The following IPO8 variants were observed in gnomAD, a reference collection of about 807,000 sequenced individuals.
The protein encoded by IPO8 is importin 8, also known as importin-8.
A neutral mutation model predicts 141.2 loss-of-function variants in IPO8; 65 were observed. That is an observed-to-expected ratio of 0.46 (90% CI 0.38 to 0.57). The LOEUF (loss-of-function observed/expected upper bound fraction) is 0.57. Among genes scored for constraint, IPO8 ranks in the 20% least tolerant of loss-of-function variants. The pLI is 0.00. For missense variants in IPO8, 980 were observed against 1,246.8 expected, an observed-to-expected ratio of 0.79 and a Z score of 3.22; for synonymous variants, 411 against 420.3, an observed-to-expected ratio of 0.98 and a Z score of 0.27.
Position 30,695,658 on chromosome 12 carries a change from G to T in IPO8, c.-11C>A, listed in dbSNP as rs1042821262. ...CCGGTTGAGGTCCATCTCCCCGGGT[G>T]GGGGCTCCGCGGCCCCCGGAACAGT... On this transcript the variant is annotated 5_prime_UTR_variant, in exon 1 of 25. Transcript: ENST00000256079. The surrounding 1 kb of genome is among the most constrained non-coding windows in gnomAD (Gnocchi z 4.2). 3 of 1,612,300 alleles carry T rather than the reference G, an allele frequency of 1.9e-6. No individual in the cohort carries two copies. The highest frequency in any genetic ancestry group is 1.3e-5 in the African/African-American group (1 of 74,884).
chr12:30,633,944 G>A, intron 23 of IPO8, 139 bp downstream of exon 23: 1 of 636,454 alleles, frequency 1.6e-6, no homozygotes. Context: ...TGTATGTTTG[G>A]GGATTTCTAT....
intron 16 of IPO8, among the ~76,000 whole-genome samples, chr12:30,659,953 C>T (rs1427762617): frequency 1.3e-5 from 2 of 151,236 alleles, no homozygotes; most frequent in African/African-American, 2.4e-5. Flanking sequence ...CCAGGCATGG[C>T]GGCTCATGCC....
At chr12:30,679,359 G>A (rs971898652) in intron 5 of IPO8, among the ~76,000 whole-genome samples, 9 of 152,090 alleles carry the variant, frequency 5.9e-5, no homozygotes, top group African/African-American at 1.4e-4. Flanking sequence ...AGATTCTGTC[G>A]TCTTAGCAAA....
At chr12:30,673,582 T>C (rs1400674149) in intron 8 of IPO8, among the ~76,000 whole-genome samples, 1 of 152,226 alleles carries the variant, frequency 6.6e-6, no homozygotes. Flanking sequence ...TAAGCTCAAC[T>C]ACTCTTCATA....
intron 4 of IPO8, 74 bp from the exon 5 acceptor site, chr12:30,680,712 ATT>A: frequency 8.4e-7 from 1 of 1,195,796 alleles, no homozygotes; most frequent in Non-Finnish European, 1.2e-6. Flanking sequence ...ATTATAAAAT[ATT>A]TTTTAAATAC....
chr12:30,649,895 ATTGT>A (rs1290919317), intron 19 of IPO8, among the ~76,000 whole-genome samples: 2 of 152,118 alleles, frequency 1.3e-5, no homozygotes, highest in Non-Finnish European at 2.9e-5. Flanking sequence ...TATATTAAAA[ATTGT>A]TTAAGGTAAA....
At chr12:30,694,925 A>G (rs2053322839) in intron 1 of IPO8, 2 of 452,690 alleles carry the variant, frequency 4.4e-6, no homozygotes, top group Non-Finnish European at 8.9e-6. Flanking sequence ...GGAGAAAAGA[A>G]AGAAGTCTTA....
chr12:30,659,798 T>C (rs953019266), intron 16 of IPO8, among the ~76,000 whole-genome samples: 1 of 144,304 alleles, frequency 6.9e-6, no homozygotes, highest in Non-Finnish European at 1.5e-5. Context: ...GAGCTTGCAG[T>C]GAGCAGAAAC....
intron 2 of IPO8, chr12:30,688,504 C>G (rs1187660936): frequency 2.8e-6 from 1 of 362,946 alleles, no homozygotes; most frequent in Non-Finnish European, 5.3e-6. Flanking sequence ...AAGCAAAAAT[C>G]ACAACATTCT....
chr12:30,668,238 T>C (rs1254996909), intron 10 of IPO8, among the ~76,000 whole-genome samples: 1 of 152,202 alleles, frequency 6.6e-6, no homozygotes, highest in Non-Finnish European at 1.5e-5. Context: ...TGATACTTTG[T>C]CTCCAAGAGA....
chr12:30,669,970 T>C (rs2053026166), intron 9 of IPO8, among the ~76,000 whole-genome samples: 1 of 152,186 alleles, frequency 6.6e-6, no homozygotes, highest in Non-Finnish European at 1.5e-5. Context: ...AATTAAATAA[T>C]TCTAAGTGAA....
chr12:30,659,259 G>A (rs1360089940), intron 16 of IPO8, among the ~76,000 whole-genome samples: 1 of 152,088 alleles, frequency 6.6e-6, no homozygotes, highest in African/African-American at 2.4e-5. Context: ...AGAAGCCAAG[G>A]CGGGCATATC....
intron 15 of IPO8, 50 bp downstream of exon 15, chr12:30,662,277 G>C: frequency 1.4e-6 from 2 of 1,471,324 alleles, no homozygotes; most frequent in Non-Finnish European, 1.9e-6. Flanking sequence ...AGTTTATTTA[G>C]ATTACTCAAG....
In IPO8 at chr12:30,695,114, G is replaced by A; in HGVS notation, c.84+450C>T. 2.3e-6 allele frequency: 1 copy of A among 436,206 alleles called. No individual in the cohort carries two copies. The highest frequency in any genetic ancestry group is 3.4e-4 in the Middle Eastern group (1 of 2,944). The allele number at this position is 436,206 out of a possible 1,614,324, so 27.0% of individuals were successfully genotyped here. A position where few individuals can be genotyped will look rare whatever the true frequency, so the allele number is the denominator to read the frequency against. ...AAACAGTCCTGCCAACCCGACAGGA[G>A]GAGGCGGTGGGCAGCGTGCTCCACA... On this transcript the variant is annotated intron_variant, in intron 1 of 24. Transcript: ENST00000256079. The surrounding 1 kb of genome is among the most constrained non-coding windows in gnomAD (Gnocchi z 4.2).
chr12:30,633,939 G>A (rs2052467097), intron 23 of IPO8, 144 bp downstream of exon 23: 1 of 631,124 alleles, frequency 1.6e-6, no homozygotes, highest in East Asian at 2.7e-5. Flanking sequence ...ATGTATGTAT[G>A]TTTGGGGATT....
chr12:30,676,916 C>A (rs2053128306), intron 5 of IPO8: 3 of 1,530,258 alleles, frequency 2.0e-6, no homozygotes, highest in Non-Finnish European at 1.8e-6. Context: ...GTCAAACTTT[C>A]CATTTTAACC....
At chr12:30,684,595 A>G in intron 2 of IPO8, 138 bp from the exon 3 acceptor site, 2 of 693,174 alleles carry the variant, frequency 2.9e-6, no homozygotes, top group Middle Eastern at 2.6e-4. Context: ...AGGTATAAAC[A>G]GCCAAATCAG....
chr12:30,671,092 A>G lies in IPO8; in HGVS notation c.914T>C (p.Leu305Pro). 6.3e-7 allele frequency: 1 copy of G among 1,582,578 alleles called. No individual in the cohort carries two copies. Among genetic ancestry groups the G allele is most frequent in the East Asian group, 2.2e-5 (1 of 44,674 alleles). ...TCTATATTGATCTAAAATTTTTAGT[A>G]GCACCTATAAGAAAACAGAAAATAC... ...KTYAVGIQQV[L>P]LKILDQYRQK... The change falls in exon 9 of 25, where the codon CTA (leucine) becomes CCA (proline). Residue 305 changes from leucine (L) to proline (P), a missense_variant. Physicochemically the swap from Leu to Pro is moderately conservative, Grantham distance 98. Around this residue, in one of 3 missense-constraint regions of IPO8, gnomAD observed 924 missense variants for 1,153.9 expected, o/e 0.80. Transcript: ENST00000256079.
Position 30,666,204 on chromosome 12 carries a change from A to G in IPO8, c.1192T>C (p.Leu398=), listed in dbSNP as rs774573182. The G allele has an allele frequency of 2.5e-6, 4 of 1,595,784 alleles. No individual in the cohort carries two copies. The highest frequency in any genetic ancestry group is 3.4e-6 in the Non-Finnish European group (4 of 1,171,864). The change falls in exon 11 of 25, where the codon TTA becomes CTA. Residue 398 remains leucine (L), a synonymous_variant. Transcript: ENST00000256079. ...TTTCTTTTCTTTGCAGCAGTATATA[A>G]GAGAGTCTGGGCTGCTGTGGTGGGA... ...ASPTTAAQTL[L]YTAAKKRKEV... is the part of the protein sequence containing the mutation.
Sources: allele counts gnomAD v4.1 joint callset (sites outside exome capture counted in the v4.1 genomes callset), GRCh38; gene constraint gnomAD v4.1.1; regional missense constraint gnomAD v4.1.1; non-coding constraint Gnocchi (gnomAD v3.1); transcripts MANE v1.5; gene names NCBI Gene and HGNC (gene_info 2026-07-23, HGNC 2026-07-21).